Variants in ZFPM2 observed in about 807,000 individuals in gnomAD.
ZFPM2 encodes zinc finger protein, FOG family member 2.
In ZFPM2, 20 loss-of-function variants were observed where a neutral mutation model predicts 98.6. The observed-to-expected ratio is 0.20, with a 90% CI of 0.14 to 0.29. The LOEUF is 0.29. Among genes scored for constraint, ZFPM2 ranks in the 10% least tolerant of loss-of-function variants. The probability of loss-of-function intolerance (pLI) is 1.00; values close to 1 mark genes in which losing one functional copy is unlikely to be tolerated. For synonymous variants in ZFPM2, 518 were observed against 502.7 expected, an observed-to-expected ratio of 1.03 and a Z score of -0.41; for missense variants, 1,310 against 1,388.6, an observed-to-expected ratio of 0.94 and a Z score of 0.90.
chr8:105,762,508 C>T (rs750012617), intron 5 of ZFPM2, among the ~76,000 whole-genome samples: 2 of 151,884 alleles, frequency 1.3e-5, no homozygotes, highest in African/African-American at 2.4e-5. Flanking sequence ...GTTAAGCTGG[C>T]ATAACTCCTT....
At chr8:105,615,010 T>C (rs1230683331) in intron 4 of ZFPM2, among the ~76,000 whole-genome samples, 1 of 152,176 alleles carries the variant, frequency 6.6e-6, no homozygotes, top group African/African-American at 2.4e-5. Context: ...CTTTCTTCCA[T>C]GTGTTGTAGA....
rs375519695 is a variant in ZFPM2, at chr8:105,580,456, G to A, written c.420+18975G>A. Reference sequence around the variant, plus strand: ...TGTAGTTGCATCATAAATACTTATGGTAGGCTCATGTCCATGTGAATTTAT... The same window carrying A: ...TGTAGTTGCATCATAAATACTTATGATAGGCTCATGTCCATGTGAATTTAT... On this transcript the variant is annotated intron_variant, in intron 4 of 7. Transcript: ENST00000407775. 2.4e-4 allele frequency among the ~76,000 whole-genome samples: 37 copies of A among 152,094 alleles called. No homozygotes were observed. The South Asian group carries it at 6.8e-3, about 28-fold the overall frequency.
intron 5 of ZFPM2, among the ~76,000 whole-genome samples, chr8:105,698,696 C>T (rs1811073933): frequency 1.3e-5 from 2 of 151,992 alleles, no homozygotes; most frequent in Non-Finnish European, 2.9e-5. Context: ...TTTTGAAGAA[C>T]AGAGATATAA....
intron 3 of ZFPM2, among the ~76,000 whole-genome samples, chr8:105,488,375 A>T (rs117441475): frequency 0.024 from 3,637 of 152,288 alleles, 55 homozygotes; most frequent in Middle Eastern, 0.078. Context: ...TGTTAGGAAG[A>T]TGAGTGCGGG....
intron 5 of ZFPM2, among the ~76,000 whole-genome samples, chr8:105,684,005 T>A (rs1375380718): frequency 6.6e-6 from 1 of 152,096 alleles, no homozygotes; most frequent in Non-Finnish European, 1.5e-5. Flanking sequence ...ACAAAGAACA[T>A]AAAACACCCT....
At chr8:105,467,684 A>G (rs1812819078) in intron 3 of ZFPM2, among the ~76,000 whole-genome samples, 1 of 152,086 alleles carries the variant, frequency 6.6e-6, no homozygotes, top group East Asian at 1.9e-4. Flanking sequence ...AATGAATATA[A>G]AAGTAGTAGG....
In ZFPM2 at chr8:105,553,090, C is replaced by T. The variant is rs189838822; in HGVS notation, c.302-8273C>T. 8.5e-5 allele frequency among the ~76,000 whole-genome samples: 13 copies of T among 152,134 alleles called. No individual in the cohort carries two copies. In the East Asian group the frequency reaches 1.7e-3, roughly 20 times the overall value. On this transcript the variant is annotated intron_variant, in intron 3 of 7. Transcript: ENST00000407775. ...CCTCACAAATTGCTGGGATTACAGA[C>T]GTGAACCATTGTACCCAGCCCATGG... is the stretch of plus-strand genomic sequence containing the variant.
chr8:105,351,852 A>G (rs1812653051), intron 1 of ZFPM2, among the ~76,000 whole-genome samples: 2 of 152,184 alleles, frequency 1.3e-5, no homozygotes, highest in Non-Finnish European at 1.5e-5. Context: ...TTATATTAAA[A>G]GCAAAACTTT....
chr8:105,700,653 T>A (rs1037580512), intron 5 of ZFPM2, among the ~76,000 whole-genome samples: 13 of 152,110 alleles, frequency 8.5e-5, no homozygotes, highest in Admixed American at 8.5e-4. Flanking sequence ...TGCAGTGCAG[T>A]AGCATGATCT....
At chr8:105,506,884 AG>A (rs1192943484) in intron 3 of ZFPM2, among the ~76,000 whole-genome samples, 2 of 148,590 alleles carry the variant, frequency 1.3e-5, no homozygotes, top group African/African-American at 2.5e-5. Flanking sequence ...GCTAGTTGGG[AG>A]GCTGAGGCAG....
chr8:105,677,889 G>A (rs1434944092), intron 5 of ZFPM2, among the ~76,000 whole-genome samples: 1 of 152,004 alleles, frequency 6.6e-6, no homozygotes, highest in African/African-American at 2.4e-5. Flanking sequence ...TTTTCTTTTT[G>A]TTGAAGACTG....
At chr8:105,577,822 G>C (rs1815500977) in intron 4 of ZFPM2, among the ~76,000 whole-genome samples, 1 of 150,970 alleles carries the variant, frequency 6.6e-6, no homozygotes, top group Admixed American at 6.6e-5. Context: ...GCAGTGAAAA[G>C]TGCTTCCATA....
At chr8:105,363,792 T>C (rs1160248001) in intron 1 of ZFPM2, among the ~76,000 whole-genome samples, 3 of 152,056 alleles carry the variant, frequency 2.0e-5, no homozygotes, top group Non-Finnish European at 2.9e-5. Context: ...AAACAGGACA[T>C]AGAAGATACT....
intron 5 of ZFPM2, among the ~76,000 whole-genome samples, chr8:105,732,257 C>T (rs1356895399): frequency 6.6e-6 from 1 of 151,764 alleles, no homozygotes; most frequent in Non-Finnish European, 1.5e-5. Flanking sequence ...GGATTCTTTC[C>T]AGACTCACTA....
At chr8:105,689,165 T>C (rs1810817409) in intron 5 of ZFPM2, among the ~76,000 whole-genome samples, 1 of 152,124 alleles carries the variant, frequency 6.6e-6, no homozygotes, top group Admixed American at 6.5e-5. Flanking sequence ...TATAATTCCT[T>C]ATGGAAGCCT....
chr8:105,429,944 G>T (rs1811987401), intron 2 of ZFPM2, among the ~76,000 whole-genome samples: 1 of 152,080 alleles, frequency 6.6e-6, no homozygotes, highest in African/African-American at 2.4e-5. Flanking sequence ...TTTCACAATT[G>T]TTTAATTATT....
intron 1 of ZFPM2, among the ~76,000 whole-genome samples, chr8:105,368,693 A>G (rs954684920): frequency 6.6e-5 from 10 of 151,920 alleles, no homozygotes; most frequent in African/African-American, 2.4e-4. Context: ...GTTTTGCCCT[A>G]TTTAGATTAT....
chr8:105,436,014 G>A (rs1812112031), intron 2 of ZFPM2, among the ~76,000 whole-genome samples: 1 of 152,154 alleles, frequency 6.6e-6, no homozygotes, highest in African/African-American at 2.4e-5. Context: ...TAGAAAGAAT[G>A]TGCTGAAAGC....
intron 5 of ZFPM2, among the ~76,000 whole-genome samples, chr8:105,783,351 A>G (rs1211608093): frequency 6.4e-5 from 8 of 124,350 alleles, no homozygotes; most frequent in Admixed American, 3.9e-4. Flanking sequence ...TTTTGTAGTG[A>G]AAAAAAAAAT....
Sources: gnomAD v4.1 joint callset for allele counts (sites outside exome capture counted in the v4.1 genomes callset) on GRCh38, gnomAD v4.1.1 for gene constraint, MANE v1.5 for transcripts, NCBI Gene and HGNC (gene_info 2026-07-23, HGNC 2026-07-21) for gene names.